Variants in SLC38A6 observed in about 807,000 individuals in gnomAD.
The protein encoded by SLC38A6 is solute carrier family 38 member 6, also known as N system amino acid transporter NAT-1.
Under a neutral mutation model 65.0 loss-of-function variants are expected in SLC38A6, and 73 were observed. The observed-to-expected ratio is 1.12, with a 90% CI of 0.93 to 1.37. SLC38A6 has a LOEUF of 1.37. Ranked by LOEUF, SLC38A6 falls within the 40% of genes most tolerant of loss-of-function variation. The pLI is 0.00. For missense variants in SLC38A6, 561 were observed against 531.1 expected (o/e 1.06, Z -0.55); for synonymous variants, 183 against 178.8 (o/e 1.02, Z -0.19).
downstream of SLC38A6, among the ~76,000 whole-genome samples, chr14:61,054,847 T>C (rs2042651816): frequency 6.6e-6 from 1 of 152,128 alleles, no homozygotes; most frequent in Non-Finnish European, 1.5e-5. Context: ...TGGATGTCCT[T>C]TCTTTCTTTC....
At chr14:61,003,997 A>T (rs1442032290) in intron 3 of SLC38A6, among the ~76,000 whole-genome samples, 1 of 152,170 alleles carries the variant, frequency 6.6e-6, no homozygotes, top group Admixed American at 6.6e-5. Flanking sequence ...TAAAAAAAAT[A>T]GACCCAGGGA....
At chr14:61,074,186 A>G (rs1443347190) in intron 15 of SLC38A6, among the ~76,000 whole-genome samples, 2 of 152,200 alleles carry the variant, frequency 1.3e-5, no homozygotes, top group South Asian at 2.1e-4. Flanking sequence ...ACATTGTTCA[A>G]AGGTCAACTG....
intron 6 of SLC38A6, among the ~76,000 whole-genome samples, chr14:61,032,202 C>A (rs59000850): frequency 1.3e-5 from 2 of 151,974 alleles, no homozygotes; most frequent in African/African-American, 4.8e-5. Context: ...TTAATTCCAA[C>A]AGTTGTCACA....
chr14:61,005,709 C>T (rs1273871768), intron 3 of SLC38A6, among the ~76,000 whole-genome samples: 1 of 152,164 alleles, frequency 6.6e-6, no homozygotes, highest in Non-Finnish European at 1.5e-5. Flanking sequence ...AAGAACATTC[C>T]ATGCTCATGG....
intron 12 of SLC38A6, among the ~76,000 whole-genome samples, chr14:61,050,296 G>A (rs886899977): frequency 2.6e-5 from 4 of 152,058 alleles, no homozygotes; most frequent in Non-Finnish European, 5.9e-5. Flanking sequence ...AATTTGAGAG[G>A]TTCTGCTTAT....
chr14:60,986,424 C>T (rs2037454366), intron 3 of SLC38A6, among the ~76,000 whole-genome samples: 2 of 152,286 alleles, frequency 1.3e-5, no homozygotes, highest in Middle Eastern at 3.4e-3. Context: ...TTAACAAGTC[C>T]TCCAAGTGAT....
chr14:61,081,913 G>A (rs1355078645), intron 16 of SLC38A6, among the ~76,000 whole-genome samples: 1 of 152,268 alleles, frequency 6.6e-6, no homozygotes, highest in African/African-American at 2.4e-5. Context: ...GGGGTAGGCT[G>A]TGTAGTACTA....
intron 5 of SLC38A6, among the ~76,000 whole-genome samples, chr14:61,022,599 T>C (rs1475780565): frequency 2.6e-5 from 4 of 152,028 alleles, no homozygotes; most frequent in African/African-American, 9.7e-5. Context: ...AAAGATTATA[T>C]TAAGTGTAAA....
intron 12 of SLC38A6, among the ~76,000 whole-genome samples, chr14:61,049,291 C>T (rs1374545834): frequency 6.6e-6 from 1 of 152,184 alleles, no homozygotes. Flanking sequence ...CACCCACACA[C>T]TGTTTCATCC....
At chr14:61,024,077 T>C (rs1433539234) in intron 5 of SLC38A6, among the ~76,000 whole-genome samples, 1 of 152,074 alleles carries the variant, frequency 6.6e-6, no homozygotes, top group Admixed American at 6.6e-5. Context: ...GAGCATATAG[T>C]TTTTAGGAAA....
At chr14:61,068,628 C>T (rs1022009243) in intron 15 of SLC38A6, among the ~76,000 whole-genome samples, 3 of 152,180 alleles carry the variant, frequency 2.0e-5, no homozygotes, top group Non-Finnish European at 2.9e-5. Flanking sequence ...GTCTGCCCTG[C>T]CTGTCTTATG....
intron 15 of SLC38A6, among the ~76,000 whole-genome samples, chr14:61,061,089 G>C (rs994842607): frequency 7.9e-5 from 12 of 152,032 alleles, no homozygotes; most frequent in Non-Finnish European, 1.5e-4. Context: ...CTTCTGCGTC[G>C]CTCACGCTGG....
At chr14:61,009,718 T>C (rs1317583856) in intron 3 of SLC38A6, among the ~76,000 whole-genome samples, 1 of 152,208 alleles carries the variant, frequency 6.6e-6, no homozygotes, top group Non-Finnish European at 1.5e-5. Context: ...CACTCATCAT[T>C]TTTTATGGCT....
At chr14:60,988,970 A>C (rs1489645126) in intron 3 of SLC38A6, among the ~76,000 whole-genome samples, 1 of 152,202 alleles carries the variant, frequency 6.6e-6, no homozygotes, top group Non-Finnish European at 1.5e-5. Context: ...ATTCTGGTTC[A>C]CTTCTTTGGT....
At chr14:61,064,365 A>G (rs2042956674) in intron 15 of SLC38A6, among the ~76,000 whole-genome samples, 1 of 152,080 alleles carries the variant, frequency 6.6e-6, no homozygotes, top group Non-Finnish European at 1.5e-5. Context: ...TAAATCTGCA[A>G]CAGATGCAAG....
chr14:60,997,734 T>A (rs571746095), intron 3 of SLC38A6, among the ~76,000 whole-genome samples: 1 of 152,236 alleles, frequency 6.6e-6, no homozygotes, highest in South Asian at 2.1e-4. Context: ...GAGTTCCAGT[T>A]GAGAGGAGCT....
At position 60,982,523 on chromosome 14, in the gene SLC38A6, CG is replaced by C. The variant is rs772218059; in HGVS notation, c.122del (p.Arg41HisfsTer14). On this transcript the variant is annotated frameshift_variant, in exon 2 of 16. Coordinates refer to ENST00000267488, the MANE Select transcript of SLC38A6 (RefSeq NM_153811.3). LOFTEE classifies it high-confidence loss of function. ...GTGCTTACAGGAACTTCACAGACAG[CG>C]ATCCCCAGGTGTTTCATTTGGTTTA... ...PLLSNELHRQRSPGVSFGLSV... is the reference protein window; with the variant it reads ...PLLSNELHRQXSPGVSFGLSV... The C allele has an allele frequency of 7.6e-5, 123 of 1,610,430 alleles. No individual in the cohort carries two copies. Among genetic ancestry groups the C allele is most frequent in the Non-Finnish European group, 9.3e-6 (11 of 1,179,154 alleles).
intron 15 of SLC38A6, among the ~76,000 whole-genome samples, chr14:61,064,445 C>T (rs901020933): frequency 2.0e-5 from 3 of 151,880 alleles, no homozygotes; most frequent in Admixed American, 1.3e-4. Flanking sequence ...GTCACCTGCT[C>T]ATGAGATAGG....
intron 4 of SLC38A6, among the ~76,000 whole-genome samples, chr14:61,016,597 T>C (rs1207752959): frequency 1.3e-5 from 2 of 152,206 alleles, no homozygotes; most frequent in Non-Finnish European, 2.9e-5. Context: ...ACTAGTTTAA[T>C]AGGTAGAGAA....
Sources: gnomAD v4.1 joint callset for allele counts (sites outside exome capture counted in the v4.1 genomes callset) on GRCh38, gnomAD v4.1.1 for gene constraint, MANE v1.5 for transcripts, NCBI Gene and HGNC (gene_info 2026-07-23, HGNC 2026-07-21) for gene names.